Variants in REC114 observed in about 807,000 individuals in gnomAD.
The protein encoded by REC114 is meiotic recombination protein REC114.
REC114 carries 27 observed loss-of-function variants against 31.3 expected under a neutral mutation model. That is an observed-to-expected ratio of 0.86 (90% confidence interval 0.64 to 1.19). REC114 has a LOEUF of 1.19. REC114 is among the 50% of genes most tolerant of loss of function. REC114 has a pLI of 0.00. For missense variants in REC114, 344 were observed against 326.9 expected (o/e 1.05, Z -0.40); for synonymous variants, 134 against 127.7 (o/e 1.05, Z -0.33).
chr15:73,444,849 A>G (rs1271001120), intron 1 of REC114, among the ~76,000 whole-genome samples: 1 of 152,200 alleles, frequency 6.6e-6, no homozygotes, highest in Non-Finnish European at 1.5e-5. Flanking sequence ...AAAGCAGACA[A>G]TTACTCCTTG....
intron 2 of REC114, among the ~76,000 whole-genome samples, chr15:73,492,036 C>T (rs1893454633): frequency 6.6e-6 from 1 of 152,142 alleles, no homozygotes; most frequent in South Asian, 2.1e-4. Flanking sequence ...TGTGCAGTGG[C>T]ATGTCATTGT....
chr15:73,556,952 T>G (rs537173985), intron 5 of REC114, among the ~76,000 whole-genome samples: 2 of 152,126 alleles, frequency 1.3e-5, no homozygotes, highest in South Asian at 4.1e-4. Flanking sequence ...TCCTGGGAGC[T>G]CTGCAAGGAC....
rs535569346 is a variant in REC114 at position 73,532,660 on chromosome 15, C to T, written c.250-7825C>T. On this transcript the variant is annotated intron_variant, in intron 2 of 5. Transcript: ENST00000331090. The stretch of plus-strand genomic sequence containing the variant: ...CTCCAGCACTAGCAAGGCAGGCCAA[C>T]GTTCAGATTCAGGAAATACAGAGAA... Among the ~76,000 whole-genome samples the T allele has an allele frequency of 1.1e-4, 16 of 152,220 alleles. No homozygotes were observed. In the South Asian group the frequency reaches 1.7e-3, roughly 16 times the overall value.
intron 2 of REC114, among the ~76,000 whole-genome samples, chr15:73,533,434 CAAAG>C (rs1422384297): frequency 7.3e-6 from 1 of 137,560 alleles, no homozygotes; most frequent in Non-Finnish European, 1.6e-5. Flanking sequence ...TCAAAAGAGA[CAAAG>C]AAGGCCATTA....
At chr15:73,523,029 T>C (rs532313142) in intron 2 of REC114, among the ~76,000 whole-genome samples, 1 of 152,272 alleles carries the variant, frequency 6.6e-6, no homozygotes, top group East Asian at 1.9e-4. Flanking sequence ...TGAATTATGT[T>C]GAGTATCTTT....
intron 1 of REC114, among the ~76,000 whole-genome samples, chr15:73,453,081 T>C (rs1260992113): frequency 1.3e-5 from 2 of 152,124 alleles, no homozygotes; most frequent in Non-Finnish European, 2.9e-5. Context: ...GGGCAAAGAC[T>C]TCATGACTAA....
chr15:73,508,054 A>C (rs938800039), intron 2 of REC114, among the ~76,000 whole-genome samples: 2 of 152,114 alleles, frequency 1.3e-5, no homozygotes, highest in Non-Finnish European at 1.5e-5. Context: ...ACTTAATCAT[A>C]ATCAGTGGCT....
chr15:73,496,245 G>A (rs1310694519), intron 2 of REC114, among the ~76,000 whole-genome samples: 12 of 151,014 alleles, frequency 7.9e-5, no homozygotes, highest in Admixed American at 3.3e-4. Context: ...CCAGCTACTC[G>A]GGAGGCTGAA....
intron 2 of REC114, among the ~76,000 whole-genome samples, chr15:73,507,968 G>A (rs1046863000): frequency 6.6e-6 from 1 of 152,158 alleles, no homozygotes; most frequent in African/African-American, 2.4e-5. Flanking sequence ...CTGTATAAAC[G>A]AGGTGGATGC....
intron 2 of REC114, among the ~76,000 whole-genome samples, chr15:73,522,707 C>A (rs1326578923): frequency 6.6e-6 from 1 of 152,100 alleles, no homozygotes; most frequent in Non-Finnish European, 1.5e-5. Context: ...AGAGTTTCTT[C>A]TAGTTTTTAT....
intron 1 of REC114, among the ~76,000 whole-genome samples, chr15:73,452,004 A>G (rs972307311): frequency 1.3e-5 from 2 of 152,238 alleles, no homozygotes; most frequent in Non-Finnish European, 2.9e-5. Context: ...AGGGCTATTT[A>G]TGATAAACCC....
intron 2 of REC114, among the ~76,000 whole-genome samples, chr15:73,478,568 A>G (rs1893248825): frequency 6.6e-6 from 1 of 152,124 alleles, no homozygotes; most frequent in African/African-American, 2.4e-5. Flanking sequence ...ATTATAGGTC[A>G]TTTGCATTTC....
intron 2 of REC114, among the ~76,000 whole-genome samples, chr15:73,537,987 T>C (rs544944142): frequency 6.6e-6 from 1 of 152,314 alleles, no homozygotes; most frequent in South Asian, 2.1e-4. Flanking sequence ...TGCCTAACAA[T>C]ACGTGTTAGA....
At chr15:73,555,297 C>T (rs1595884440) in intron 4 of REC114, among the ~76,000 whole-genome samples, 1 of 152,154 alleles carries the variant, frequency 6.6e-6, no homozygotes, top group Non-Finnish European at 1.5e-5. Flanking sequence ...AGGATCACCA[C>T]TGCTCGTCTG....
intron 2 of REC114, among the ~76,000 whole-genome samples, chr15:73,497,309 T>C (rs570746784): frequency 6.6e-6 from 1 of 152,254 alleles, no homozygotes; most frequent in East Asian, 1.9e-4. Flanking sequence ...TCCTTCTGCA[T>C]GTACTAATTG....
chr15:73,518,618 C>T (rs1893894682), intron 2 of REC114, among the ~76,000 whole-genome samples: 1 of 152,146 alleles, frequency 6.6e-6, no homozygotes, highest in African/African-American at 2.4e-5. Flanking sequence ...GGAGGTGGGC[C>T]AGGTGAAAAG....
intron 2 of REC114, among the ~76,000 whole-genome samples, chr15:73,485,462 T>C (rs1278834603): frequency 6.6e-6 from 1 of 152,174 alleles, no homozygotes; most frequent in African/African-American, 2.4e-5. Flanking sequence ...TCATGTTAAA[T>C]TGTAATCCCC....
intron 4 of REC114, among the ~76,000 whole-genome samples, chr15:73,552,425 T>C (rs1894405651): frequency 1.3e-5 from 2 of 152,252 alleles, no homozygotes; most frequent in South Asian, 4.1e-4. Flanking sequence ...AGAAAAGTTA[T>C]TTTCCATAAA....
At chr15:73,446,750 G>A (rs1452228124) in intron 1 of REC114, among the ~76,000 whole-genome samples, 1 of 152,202 alleles carries the variant, frequency 6.6e-6, no homozygotes, top group Non-Finnish European at 1.5e-5. Flanking sequence ...TAGAGAATAA[G>A]GGAAATGGTA....
Sources: allele counts gnomAD v4.1 joint callset (sites outside exome capture counted in the v4.1 genomes callset), GRCh38; gene constraint gnomAD v4.1.1; transcripts MANE v1.5; gene names NCBI Gene and HGNC (gene_info 2026-07-23, HGNC 2026-07-21).